Variants in PKHD1 observed in about 807,000 individuals in gnomAD.
PKHD1 encodes PKHD1 ciliary IPT domain containing fibrocystin/polyductin.
Under a neutral mutation model 412.0 loss-of-function variants are expected in PKHD1, and 291 were observed. The observed-to-expected ratio is 0.71, with a 90% CI of 0.64 to 0.78. PKHD1 has a LOEUF of 0.78. Among genes scored for constraint, PKHD1 ranks in the 30% least tolerant of loss-of-function variants. PKHD1 has a pLI of 0.00. For synonymous variants in PKHD1, 1,777 were observed against 1,821.5 expected (o/e 0.98, Z 0.62); for missense variants, 4,825 against 4,950.7 (o/e 0.97, Z 0.76).
At chr6:51,839,544 T>C (rs571369031) in intron 50 of PKHD1, among the ~76,000 whole-genome samples, 6 of 152,170 alleles carry the variant, frequency 3.9e-5, no homozygotes, top group Non-Finnish European at 7.3e-5. Flanking sequence ...AAAAGAGAGT[T>C]ACTAAAGTAG....
chr6:51,858,562 C>T (rs527567679), intron 48 of PKHD1, among the ~76,000 whole-genome samples: 61 of 152,128 alleles, frequency 4.0e-4, no homozygotes, highest in African/African-American at 1.5e-3. Flanking sequence ...GTTTCAGGTT[C>T]CAAAAGTATA....
At chr6:51,941,595 C>A (rs1358609642) in intron 36 of PKHD1, among the ~76,000 whole-genome samples, 1 of 151,450 alleles carries the variant, frequency 6.6e-6, no homozygotes, top group East Asian at 1.9e-4. Context: ...CTTTACAATT[C>A]CACCATTTTA....
intron 48 of PKHD1, among the ~76,000 whole-genome samples, chr6:51,862,730 C>A (rs770773653): frequency 4.6e-5 from 7 of 152,158 alleles, no homozygotes; most frequent in Admixed American, 1.3e-4. Flanking sequence ...TCAACAAGAA[C>A]ACTAACCTTT....
intron 43 of PKHD1, among the ~76,000 whole-genome samples, chr6:51,897,656 C>A (rs1161706609): frequency 6.9e-6 from 1 of 145,886 alleles, no homozygotes; most frequent in African/African-American, 2.6e-5. Context: ...CAAATTCACA[C>A]ATAACAATAT....
intron 60 of PKHD1, chr6:51,682,312 T>C: frequency 2.3e-6 from 1 of 440,002 alleles, no homozygotes. Context: ...TAATTTATCA[T>C]AATATTCACT....
intron 35 of PKHD1, among the ~76,000 whole-genome samples, chr6:51,997,976 T>C (rs1346001817): frequency 6.6e-6 from 1 of 152,158 alleles, no homozygotes; most frequent in Non-Finnish European, 1.5e-5. Context: ...AGACACCATG[T>C]GGAATAGAGT....
intron 19 of PKHD1, among the ~76,000 whole-genome samples, chr6:52,055,144 A>G (rs147394864): frequency 1.3e-5 from 2 of 152,330 alleles, no homozygotes; most frequent in East Asian, 3.9e-4. Context: ...CAGGCACTTT[A>G]CTAGATTATC....
At chr6:51,801,117 C>T (rs1762847135) in intron 52 of PKHD1, among the ~76,000 whole-genome samples, 2 of 152,276 alleles carry the variant, frequency 1.3e-5, no homozygotes, top group South Asian at 4.1e-4. Flanking sequence ...ATACATTTTA[C>T]ACAATGATTG....
At chr6:51,777,718 C>T (rs1791287694) in intron 53 of PKHD1, among the ~76,000 whole-genome samples, 1 of 135,078 alleles carries the variant, frequency 7.4e-6, no homozygotes, top group Non-Finnish European at 1.6e-5. Flanking sequence ...AAAAAAGTGG[C>T]CTAGCACTAA....
intron 52 of PKHD1, among the ~76,000 whole-genome samples, chr6:51,812,657 A>G (rs890562494): frequency 2.0e-5 from 3 of 152,210 alleles, no homozygotes; most frequent in African/African-American, 7.2e-5. Flanking sequence ...TTTGTCTGTC[A>G]TATTTTGAAA....
rs1766274155 is a variant in PKHD1, at chr6:51,618,971, A to G, written c.*110T>C. 1 of 1,000,030 alleles carries G rather than the reference A, an allele frequency of 1.0e-6. No homozygotes were observed. The highest frequency in any genetic ancestry group is 1.6e-6 in the Non-Finnish European group (1 of 627,012). 61.9% of individuals were successfully genotyped at this position (1,000,030 alleles called of 1,614,324 possible). A position where few individuals can be genotyped will look rare whatever the true frequency, so the allele number is the denominator to read the frequency against. On this transcript the variant is annotated 3_prime_UTR_variant, in exon 67 of 67. Coordinates refer to ENST00000371117, the MANE Select transcript of PKHD1 (RefSeq NM_138694.4). ...GTTGAAAAAGGGATTCAGAGTCCAC[A>G]TTCTCTCTTCTTAGTTGTCCCAGCA...
At chr6:51,668,795 T>C (rs1581958642) in intron 60 of PKHD1, among the ~76,000 whole-genome samples, 1 of 152,202 alleles carries the variant, frequency 6.6e-6, no homozygotes, top group Admixed American at 6.5e-5. Flanking sequence ...CTGCATCTAT[T>C]GAGATAATCA....
intron 35 of PKHD1, among the ~76,000 whole-genome samples, chr6:51,986,708 G>A (rs1006153197): frequency 5.3e-5 from 8 of 152,142 alleles, no homozygotes; most frequent in Admixed American, 2.6e-4. Context: ...GTATTTTGAC[G>A]GAAATGTTTC....
chr6:51,722,048 G>A, intron 60 of PKHD1: 1 of 1,613,442 alleles, frequency 6.2e-7, no homozygotes, highest in Non-Finnish European at 8.5e-7. Context: ...ACTTTAGTCA[G>A]ACATTGAAGG....
intron 60 of PKHD1, among the ~76,000 whole-genome samples, chr6:51,739,578 G>T (rs545119366): frequency 1.2e-4 from 18 of 152,204 alleles, no homozygotes; most frequent in African/African-American, 4.3e-4. Flanking sequence ...ATTTTTATTT[G>T]TTTATGTACC....
intron 28 of PKHD1, among the ~76,000 whole-genome samples, chr6:52,033,815 A>G (rs2128164961): frequency 6.6e-6 from 1 of 152,144 alleles, no homozygotes; most frequent in South Asian, 2.1e-4. Flanking sequence ...TTTTTAAAAG[A>G]TATTGGATTT....
At chr6:51,744,687 C>G (rs938207901) in intron 59 of PKHD1, 145 bp from the exon 60 acceptor site, 2 of 661,582 alleles carry the variant, frequency 3.0e-6, no homozygotes, top group Non-Finnish European at 5.2e-6. Context: ...AAATAAAACT[C>G]TTTATGAAAT....
At chr6:51,849,117 T>C (rs1240021928) in intron 49 of PKHD1, among the ~76,000 whole-genome samples, 1 of 152,246 alleles carries the variant, frequency 6.6e-6, no homozygotes, top group South Asian at 2.1e-4. Context: ...GTGTTCTCAA[T>C]GTTCAACTCC....
chr6:52,065,551 G>A (rs986986065), intron 12 of PKHD1, among the ~76,000 whole-genome samples: 1 of 152,098 alleles, frequency 6.6e-6, no homozygotes, highest in Admixed American at 6.5e-5. Flanking sequence ...TCCATAAAAG[G>A]GTTTGCCAAG....
Sources: allele counts gnomAD v4.1 joint callset (sites outside exome capture counted in the v4.1 genomes callset), GRCh38; gene constraint gnomAD v4.1.1; transcripts MANE v1.5; gene names NCBI Gene and HGNC (gene_info 2026-07-23, HGNC 2026-07-21).